The following SPMIP4 variants were observed in gnomAD, a reference collection of about 807,000 sequenced individuals.
SPMIP4 encodes sperm-associated microtubule inner protein 4.
the SPMIP4 span, chr7:25,136,630 G>T: frequency 6.2e-7 from 1 of 1,614,044 alleles, no homozygotes; most frequent in Non-Finnish European, 8.5e-7. The surrounding 1 kb of genome is among the most constrained non-coding windows in gnomAD (Gnocchi z 5.7). Flanking sequence ...TTTAGAACTG[G>T]GTACAAAGGT....
At chr7:25,158,754 A>G in the SPMIP4 span, among the ~76,000 whole-genome samples, 1 of 151,898 alleles carries the variant, frequency 6.6e-6, no homozygotes, top group Non-Finnish European at 1.5e-5. Flanking sequence ...CAAAAATACA[A>G]AAAAAATTAG....
the SPMIP4 span, chr7:25,161,395 T>C: frequency 4.6e-6 from 2 of 430,176 alleles, no homozygotes. Context: ...GGTGTCATTT[T>C]ATTTATTATT....
At chr7:25,161,103 T>G in the SPMIP4 span, 1 of 726,496 alleles carries the variant, frequency 1.4e-6, no homozygotes. Flanking sequence ...AAAGTCCCCA[T>G]TTGGGGCTTT....
chr7:25,155,271 T>C, the SPMIP4 span: 1 of 1,303,784 alleles, frequency 7.7e-7, no homozygotes, highest in Non-Finnish European at 1.0e-6. Flanking sequence ...ATCAAAAATT[T>C]ATTGGGACCC....
At chr7:25,147,876 G>A in the SPMIP4 span, among the ~76,000 whole-genome samples, 1 of 152,264 alleles carries the variant, frequency 6.6e-6, no homozygotes, top group South Asian at 2.1e-4. Context: ...CTTTATCTGT[G>A]AGGAAACTAG....
chr7:25,138,597 C>T, the SPMIP4 span, among the ~76,000 whole-genome samples: 1 of 152,096 alleles, frequency 6.6e-6, no homozygotes, highest in Non-Finnish European at 1.5e-5. This position sits in a 1 kb window ranked among gnomAD's most constrained non-coding sequence, Gnocchi z 6.2. Flanking sequence ...GTTAATACTC[C>T]ACAGTCACCG....
chr7:25,130,004 G>A, the SPMIP4 span, among the ~76,000 whole-genome samples: 2 of 151,978 alleles, frequency 1.3e-5, no homozygotes, highest in Admixed American at 6.6e-5. Flanking sequence ...TTGGGAGGCC[G>A]AGGCGGGTGG....
chr7:25,143,682 C>G, the SPMIP4 span, among the ~76,000 whole-genome samples: 31 of 150,198 alleles, frequency 2.1e-4, no homozygotes, highest in South Asian at 6.3e-3. Context: ...ACCTCCAACC[C>G]TTGGGCTCAA....
At chr7:25,179,261 T>C in the SPMIP4 span, 2 of 1,613,770 alleles carry the variant, frequency 1.2e-6, no homozygotes, top group Middle Eastern at 1.7e-4. Flanking sequence ...GTATGTCAGC[T>C]CCTTCAAGCT....
chr7:25,166,480 G>A, the SPMIP4 span, among the ~76,000 whole-genome samples: 451 of 151,258 alleles, frequency 3.0e-3, 1 homozygote, highest in African/African-American at 0.011. Context: ...CCAGCTACTC[G>A]GGAGGCTGAG....
At chr7:25,149,966 A>G in the SPMIP4 span, among the ~76,000 whole-genome samples, 3 of 152,200 alleles carry the variant, frequency 2.0e-5, no homozygotes, top group African/African-American at 7.2e-5. Context: ...TTTGCTACAT[A>G]ACAGAAACAA....
At chr7:25,141,369 C>G in the SPMIP4 span, among the ~76,000 whole-genome samples, 1 of 152,024 alleles carries the variant, frequency 6.6e-6, no homozygotes, top group Non-Finnish European at 1.5e-5. Flanking sequence ...GTCAGGAGAT[C>G]GAGACCATCC....
the SPMIP4 span, chr7:25,136,496 T>C: frequency 4.3e-4 from 701 of 1,614,188 alleles, no homozygotes; most frequent in Middle Eastern, 1.2e-3. This position sits in a 1 kb window ranked among gnomAD's most constrained non-coding sequence, Gnocchi z 5.7. Context: ...AGGTCTTTTG[T>C]TGGGTAACAA....
chr7:25,133,415 C>T, the SPMIP4 span, among the ~76,000 whole-genome samples: 532 of 152,250 alleles, frequency 3.5e-3, 3 homozygotes, highest in Non-Finnish European at 5.5e-3. Flanking sequence ...TTTGTTCAAC[C>T]ATCTCTAAGC....
At chr7:25,136,923 CTT>C in the SPMIP4 span, 1 of 846,600 alleles carries the variant, frequency 1.2e-6, no homozygotes, top group African/African-American at 1.7e-5. The surrounding 1 kb of genome is among the most constrained non-coding windows in gnomAD (Gnocchi z 5.7). Context: ...TTGCAATGCT[CTT>C]TGATACTAAT....
the SPMIP4 span, among the ~76,000 whole-genome samples, chr7:25,126,190 T>C: frequency 1.3e-5 from 2 of 152,192 alleles, no homozygotes; most frequent in Admixed American, 1.3e-4. Flanking sequence ...AATCCAATTA[T>C]ACTTTTAGTT....
chr7:25,158,224 C>T, the SPMIP4 span, among the ~76,000 whole-genome samples: 2 of 151,482 alleles, frequency 1.3e-5, no homozygotes, highest in Non-Finnish European at 2.9e-5. Context: ...AAAAATTAGC[C>T]AGGCATAGTG....
the SPMIP4 span, among the ~76,000 whole-genome samples, chr7:25,178,255 G>A: frequency 6.6e-6 from 1 of 152,142 alleles, no homozygotes; most frequent in Admixed American, 6.5e-5. Flanking sequence ...TGTGAATAGT[G>A]CTGTGATGAA....
chr7:25,141,709 TAA>T, the SPMIP4 span, among the ~76,000 whole-genome samples: 90,270 of 149,448 alleles, frequency 0.6, 28,063 homozygotes, highest in Non-Finnish European at 0.69. Context: ...GAAAATCTGT[TAA>T]AAAAAAAAAA....
Sources: gnomAD v4.1 joint callset for allele counts (sites outside exome capture counted in the v4.1 genomes callset) on GRCh38, gnomAD v4.1.1 for gene constraint, Gnocchi (gnomAD v3.1) non-coding constraint, MANE v1.5 for transcripts, NCBI Gene and HGNC (gene_info 2026-07-23, HGNC 2026-07-21) for gene names.